DSCAM: variants seen among roughly 807,000 people sequenced by gnomAD.
DSCAM encodes DS cell adhesion molecule.
A neutral mutation model predicts 217.7 loss-of-function variants in DSCAM; 47 were observed. The ratio of observed to expected loss-of-function variants is 0.22; its 90% CI spans 0.17 to 0.28. DSCAM has a LOEUF of 0.28. Ranked by LOEUF, DSCAM falls within the 10% of genes least tolerant of loss-of-function variation. The pLI is 1.00. For synonymous variants in DSCAM, 1,056 were observed against 1,015.3 expected (o/e 1.04, Z -0.76); for missense variants, 2,080 against 2,618.3 (o/e 0.79, Z 4.49).
chr21:40,088,181 T>A (rs1466556432), intron 21 of DSCAM, among the ~76,000 whole-genome samples: 2 of 152,088 alleles, frequency 1.3e-5, no homozygotes, highest in East Asian at 3.9e-4. Flanking sequence ...GCTGGGGACA[T>A]AGAGGAAACA....
At chr21:40,263,426 T>C (rs2073480412) in intron 11 of DSCAM, among the ~76,000 whole-genome samples, 1 of 152,092 alleles carries the variant, frequency 6.6e-6, no homozygotes, top group African/African-American at 2.4e-5. Context: ...ACTATACAAA[T>C]ACATGAAAAT....
At chr21:40,796,491 AGAATTCACACCCAGAGC>A (rs2091693193) in intron 1 of DSCAM, among the ~76,000 whole-genome samples, 1 of 152,242 alleles carries the variant, frequency 6.6e-6, no homozygotes, top group African/African-American at 2.4e-5. Flanking sequence ...AAGTAGTGGT[AGAATTCACACCCAGAGC>A]CTGCACTTTT....
chr21:40,157,323 C>T (rs914657782), intron 16 of DSCAM, among the ~76,000 whole-genome samples: 4 of 152,128 alleles, frequency 2.6e-5, no homozygotes, highest in Non-Finnish European at 5.9e-5. Flanking sequence ...TTTGCAGACT[C>T]GTACAGGACA....
At chr21:40,112,115 T>C (rs1165110837) in intron 20 of DSCAM, among the ~76,000 whole-genome samples, 1 of 148,760 alleles carries the variant, frequency 6.7e-6, no homozygotes, top group East Asian at 2.0e-4. Context: ...GAATACACAT[T>C]TTTTTCAGCA....
intron 1 of DSCAM, among the ~76,000 whole-genome samples, chr21:40,744,229 C>G (rs1340213436): frequency 6.6e-6 from 1 of 152,152 alleles, no homozygotes; most frequent in Non-Finnish European, 1.5e-5. Context: ...GCTAGGAGGG[C>G]TGAACTACCT....
At position 40,347,742 on chromosome 21, in the gene DSCAM, C is replaced by T. The variant is rs1326158408; in HGVS notation, c.1138G>A (p.Gly380Arg). ...CGCACAAAGCACTGGTATGCGCCCC[C>T]GTCACTTTTGACCATGTGATCCATT... ...LIMDHMVKSDGGAYQCFVRKD... is the reference protein window; with the variant it reads ...LIMDHMVKSDRGAYQCFVRKD... Residue 380 changes from glycine (G) to arginine (R), a missense_variant, in exon 6 of 33, where the codon GGG becomes AGG. Physicochemically the swap from Gly to Arg is moderately radical, Grantham distance 125 (BLOSUM62 -2). Around this residue, in one of 5 missense-constraint regions of DSCAM, gnomAD observed 568 missense variants for 678.1 expected, o/e 0.84. Coordinates refer to ENST00000400454, the MANE Select transcript of DSCAM (RefSeq NM_001389.5). 7 of 1,614,214 alleles carry T rather than the reference C, an allele frequency of 4.3e-6. No homozygotes were observed. Among genetic ancestry groups the T allele is most frequent in the East Asian group, 2.2e-5 (1 of 44,874 alleles).
rs183915785 is a variant in DSCAM, at chr21:40,465,337, C to A, written c.509-96092G>T. Among the ~76,000 whole-genome samples the A allele has an allele frequency of 2.0e-5, 3 of 152,266 alleles. No individual in the cohort carries two copies. The East Asian group carries it at 5.8e-4, about 29-fold the overall frequency. ...GTTATTCCAGTTATCATGAGCGGCT[C>A]TTTCTCTTCTTTCAGGTCTGAGCTT... On this transcript the variant is annotated intron_variant, in intron 3 of 32. Coordinates refer to ENST00000400454, the MANE Select transcript of DSCAM (RefSeq NM_001389.5).
chr21:40,070,701 A>C (rs1281566280), intron 27 of DSCAM, among the ~76,000 whole-genome samples: 1 of 152,144 alleles, frequency 6.6e-6, no homozygotes, highest in African/African-American at 2.4e-5. Flanking sequence ...GTAAAGTTCA[A>C]GTTACCTTTT....
chr21:40,704,580 G>C (rs1165429339), intron 2 of DSCAM, among the ~76,000 whole-genome samples: 1 of 151,908 alleles, frequency 6.6e-6, no homozygotes, highest in Non-Finnish European at 1.5e-5. Flanking sequence ...AATTAGCCAG[G>C]TGTGGTGACT....
chr21:40,295,601 G>A (rs1157735610), intron 10 of DSCAM, among the ~76,000 whole-genome samples: 1 of 152,134 alleles, frequency 6.6e-6, no homozygotes, highest in Admixed American at 6.6e-5. Context: ...GTAATAAGGG[G>A]AATAAAACAA....
At chr21:40,825,936 T>A (rs2091964959) in intron 1 of DSCAM, among the ~76,000 whole-genome samples, 1 of 152,188 alleles carries the variant, frequency 6.6e-6, no homozygotes. Flanking sequence ...CTAAGAGCTA[T>A]ACATTGCTTT....
At chr21:40,516,118 C>G (rs1305359575) in intron 3 of DSCAM, among the ~76,000 whole-genome samples, 1 of 150,118 alleles carries the variant, frequency 6.7e-6, no homozygotes, top group Admixed American at 6.7e-5. Context: ...ATCTCCCCCA[C>G]CATACACACA....
At chr21:40,535,037 T>G (rs981248271) in intron 3 of DSCAM, among the ~76,000 whole-genome samples, 2 of 152,166 alleles carry the variant, frequency 1.3e-5, no homozygotes, top group African/African-American at 4.8e-5. Flanking sequence ...CAGTTAAGAC[T>G]GTAACCTTTG....
At chr21:40,613,778 T>C (rs2089347483) in intron 3 of DSCAM, among the ~76,000 whole-genome samples, 2 of 151,744 alleles carry the variant, frequency 1.3e-5, no homozygotes, top group South Asian at 2.1e-4. Context: ...AATCTCATGC[T>C]GATGGGCTAT....
At chr21:40,017,353 T>C (rs540663331) in intron 32 of DSCAM, among the ~76,000 whole-genome samples, 151 of 152,276 alleles carry the variant, frequency 9.9e-4, no homozygotes, top group Non-Finnish European at 1.7e-3. Context: ...TCCATTTAGC[T>C]TTTTCAGGAT....
intron 3 of DSCAM, among the ~76,000 whole-genome samples, chr21:40,546,665 G>A (rs912111258): frequency 5.3e-5 from 8 of 152,028 alleles, no homozygotes; most frequent in Admixed American, 2.6e-4. Flanking sequence ...ATATTCCTTC[G>A]AGATGAAGTT....
intron 11 of DSCAM, among the ~76,000 whole-genome samples, chr21:40,239,886 A>T (rs2073125407): frequency 1.3e-5 from 2 of 152,220 alleles, no homozygotes; most frequent in Non-Finnish European, 2.9e-5. Context: ...ACACCTGCCC[A>T]TTCCAGGGGG....
intron 1 of DSCAM, among the ~76,000 whole-genome samples, chr21:40,747,297 A>AC (rs1014681114): frequency 3.8e-4 from 57 of 151,370 alleles, no homozygotes; most frequent in Admixed American, 3.0e-3. Context: ...AATAAAAAAA[A>AC]AACAACAAAC....
At chr21:40,114,137 G>A (rs2089936615) in intron 20 of DSCAM, among the ~76,000 whole-genome samples, 1 of 149,232 alleles carries the variant, frequency 6.7e-6, no homozygotes, top group African/African-American at 2.4e-5. Flanking sequence ...AAAGCTGGAG[G>A]CATCACGCTA....
Sources: allele counts gnomAD v4.1 joint callset (sites outside exome capture counted in the v4.1 genomes callset), GRCh38; gene constraint gnomAD v4.1.1; regional missense constraint gnomAD v4.1.1; transcripts MANE v1.5; gene names NCBI Gene and HGNC (gene_info 2026-07-23, HGNC 2026-07-21).